Variants in STPG2 observed in about 807,000 individuals in gnomAD.
The protein encoded by STPG2 is sperm-tail PG-rich repeat-containing protein 2.
Under a neutral mutation model 54.2 loss-of-function variants are expected in STPG2, and 56 were observed. The ratio of observed to expected loss-of-function variants is 1.03; its 90% CI spans 0.83 to 1.29. The LOEUF is 1.29. Ranked by LOEUF, STPG2 falls within the 50% of genes most tolerant of loss-of-function variation. The pLI is 0.00. For missense variants in STPG2, 596 were observed against 544.9 expected (o/e 1.09, Z -0.93); for synonymous variants, 200 against 181.8 (o/e 1.10, Z -0.81).
chr4:97,861,779 A>C (rs1729550908), intron 8 of STPG2, among the ~76,000 whole-genome samples: 1 of 152,140 alleles, frequency 6.6e-6, no homozygotes, highest in African/African-American at 2.4e-5. Flanking sequence ...AACGTTCTTA[A>C]AGAGAAGAAT....
chr4:98,018,925 G>C (rs1393993813), intron 5 of STPG2, among the ~76,000 whole-genome samples: 1 of 151,256 alleles, frequency 6.6e-6, no homozygotes, highest in Non-Finnish European at 1.5e-5. Flanking sequence ...TTAGCCCTTT[G>C]TCAGATGAGT....
intron 8 of STPG2, among the ~76,000 whole-genome samples, chr4:97,862,271 A>T (rs1578633056): frequency 6.6e-6 from 1 of 152,002 alleles, no homozygotes; most frequent in African/African-American, 2.4e-5. Context: ...CAAATGAAAA[A>T]CAAAAAAAGG....
At chr4:97,653,459 T>C (rs1248874928) in intron 10 of STPG2, among the ~76,000 whole-genome samples, 1 of 151,002 alleles carries the variant, frequency 6.6e-6, no homozygotes, top group African/African-American at 2.4e-5. Flanking sequence ...TAAAATAAAA[T>C]AAAACAAAAC....
At chr4:97,643,776 G>A (rs1020464505) in intron 10 of STPG2, among the ~76,000 whole-genome samples, 1 of 151,628 alleles carries the variant, frequency 6.6e-6, no homozygotes. Flanking sequence ...TTTATATTAC[G>A]AGTGTCTGAT....
At chr4:97,816,931 C>A (rs1459490609) in intron 9 of STPG2, among the ~76,000 whole-genome samples, 1 of 146,922 alleles carries the variant, frequency 6.8e-6, no homozygotes, top group Non-Finnish European at 1.5e-5. Flanking sequence ...TATAAATATA[C>A]ATTTATACAC....
intron 8 of STPG2, among the ~76,000 whole-genome samples, chr4:97,940,652 C>T (rs1435672449): frequency 6.6e-6 from 1 of 152,132 alleles, no homozygotes; most frequent in Non-Finnish European, 1.5e-5. Context: ...CTCTGTTAGA[C>T]CTGTTAGGTT....
rs959347707 is a variant in STPG2, at chr4:97,655,258, G to A, written c.1320+57441C>T. 2.0e-4 allele frequency among the ~76,000 whole-genome samples: 31 copies of A among 151,944 alleles called. 1 individual carries two copies. The highest frequency in any genetic ancestry group is 4.8e-5 in the African/African-American group (2 of 41,410). On this transcript the variant is annotated intron_variant, in intron 10 of 10. Coordinates refer to ENST00000295268, the MANE Select transcript of STPG2 (RefSeq NM_174952.3). ...TGAAAACATTTGAAAATGACCAAACGTTTGTATATATTATCTGATAGTACT... is the reference window on the plus strand; with the variant it reads ...TGAAAACATTTGAAAATGACCAAACATTTGTATATATTATCTGATAGTACT...
At chr4:97,899,012 AAC>A (rs1731066793) in intron 8 of STPG2, among the ~76,000 whole-genome samples, 1 of 151,594 alleles carries the variant, frequency 6.6e-6, no homozygotes, top group Non-Finnish European at 1.5e-5. Context: ...ATCCAAAAGG[AAC>A]AGAGAGGAAG....
chr4:98,068,675 G>C (rs1737906138), intron 5 of STPG2, among the ~76,000 whole-genome samples: 1 of 151,572 alleles, frequency 6.6e-6, no homozygotes, highest in African/African-American at 2.4e-5. Context: ...GTACAATCAT[G>C]AATCACTTAA....
At chr4:97,953,708 G>A (rs990472258) in intron 7 of STPG2, among the ~76,000 whole-genome samples, 10 of 152,192 alleles carry the variant, frequency 6.6e-5, no homozygotes, top group Non-Finnish European at 1.2e-4. Flanking sequence ...TGGGCAGATT[G>A]CCAGGTTCCC....
intron 8 of STPG2, among the ~76,000 whole-genome samples, chr4:97,850,405 T>TG (rs1729119328): frequency 6.6e-6 from 1 of 151,614 alleles, no homozygotes; most frequent in African/African-American, 2.4e-5. Context: ...ATACTTCTTA[T>TG]GATGTTGTAA....
At chr4:97,538,057 C>T (rs1327041423) in intron 4 of STPG2, among the ~76,000 whole-genome samples, 1 of 152,090 alleles carries the variant, frequency 6.6e-6, no homozygotes, top group African/African-American at 2.4e-5. Flanking sequence ...TCACCATCAT[C>T]AAAGACCAAA....
chr4:97,488,743 G>A (rs1005988125), intron 4 of STPG2, among the ~76,000 whole-genome samples: 2 of 151,636 alleles, frequency 1.3e-5, no homozygotes, highest in African/African-American at 4.8e-5. Flanking sequence ...TAAGAATCAG[G>A]CCTGGAAGTG....
At chr4:97,682,095 A>G (rs1192082895) in intron 10 of STPG2, among the ~76,000 whole-genome samples, 1 of 151,776 alleles carries the variant, frequency 6.6e-6, no homozygotes, top group Non-Finnish European at 1.5e-5. Context: ...ATTTTTTCCC[A>G]CAAGTTAACG....
intron 7 of STPG2, among the ~76,000 whole-genome samples, chr4:97,969,717 A>C (rs938846140): frequency 3.3e-5 from 5 of 152,162 alleles, no homozygotes; most frequent in African/African-American, 9.7e-5. Context: ...ACTGAATGGG[A>C]AAAAACTGGA....
chr4:97,944,129 T>C lies in STPG2; in HGVS notation c.934-122A>G, dbSNP rs563215402. On this transcript the variant is annotated intron_variant, in intron 7 of 10. Transcript: ENST00000295268. ...ATCTGGCATTAAATAAAGACACATA[T>C]TCATAAACAAATAAAATTTTCAAAA... 42 of 629,646 alleles carry C rather than the reference T, an allele frequency of 6.7e-5. No individual in the cohort carries two copies. The African/African-American group carries it at 7.5e-4, about 11-fold the overall frequency. 39.0% of individuals were successfully genotyped at this position (629,646 alleles called of 1,614,324 possible). A position where few individuals can be genotyped will look rare whatever the true frequency, so the allele number is the denominator to read the frequency against.
At chr4:97,900,590 C>T (rs1252338834) in intron 8 of STPG2, among the ~76,000 whole-genome samples, 2 of 151,664 alleles carry the variant, frequency 1.3e-5, no homozygotes, top group African/African-American at 4.8e-5. Flanking sequence ...TACCATGCTG[C>T]CATAAGAAAG....
At chr4:97,487,066 A>T (rs1482770656) in intron 4 of STPG2, among the ~76,000 whole-genome samples, 2 of 151,420 alleles carry the variant, frequency 1.3e-5, no homozygotes, top group Non-Finnish European at 3.0e-5. Context: ...AGTCATAAGA[A>T]TGATACAATG....
intron 10 of STPG2, among the ~76,000 whole-genome samples, chr4:97,662,631 T>C (rs1722407926): frequency 2.0e-5 from 3 of 152,106 alleles, no homozygotes; most frequent in Non-Finnish European, 2.9e-5. Flanking sequence ...TAACAGTGGA[T>C]TGGATTTTTA....
Sources: allele counts gnomAD v4.1 joint callset (sites outside exome capture counted in the v4.1 genomes callset), GRCh38; gene constraint gnomAD v4.1.1; transcripts MANE v1.5; gene names NCBI Gene and HGNC (gene_info 2026-07-23, HGNC 2026-07-21).